FNIP1: variants seen among roughly 807,000 people sequenced by gnomAD.
FNIP1 encodes the protein folliculin interacting protein 1.
FNIP1 carries 40 observed loss-of-function variants against 124.5 expected under a neutral mutation model. The observed-to-expected ratio is 0.32, with a 90% confidence interval of 0.25 to 0.42. The LOEUF (loss-of-function observed/expected upper bound fraction) is 0.42, where lower values mean the gene tolerates loss of function less well. FNIP1 is among the 10% of genes least tolerant of loss of function. FNIP1 has a pLI of 1.00. For synonymous variants in FNIP1, 472 were observed against 470.6 expected (o/e 1.00, Z -0.04); for missense variants, 1,176 against 1,403.7 (o/e 0.84, Z 2.59).
chr5:131,755,038 G>C (rs936062571), intron 1 of FNIP1, among the ~76,000 whole-genome samples: 2 of 152,184 alleles, frequency 1.3e-5, no homozygotes, highest in African/African-American at 2.4e-5. Flanking sequence ...TCTCAGGAGG[G>C]GGAGTAAGTT....
chr5:131,754,963 A>G (rs773460765), intron 1 of FNIP1, among the ~76,000 whole-genome samples: 3 of 152,242 alleles, frequency 2.0e-5, no homozygotes, highest in Non-Finnish European at 2.9e-5. Flanking sequence ...ATAAAGGATG[A>G]GAATGGCTGA....
At chr5:131,652,028 G>A (rs1217150128) in intron 15 of FNIP1, 29 bp from the exon 16 acceptor site, 5 of 1,583,670 alleles carry the variant, frequency 3.2e-6, no homozygotes, top group Non-Finnish European at 4.3e-6. Flanking sequence ...TTCATCTTAT[G>A]TTTAGCAAAT....
intron 13 of FNIP1, among the ~76,000 whole-genome samples, chr5:131,676,091 G>A (rs927929146): frequency 2.0e-5 from 3 of 150,312 alleles, no homozygotes; most frequent in African/African-American, 4.9e-5. Context: ...GCATGATCTC[G>A]GCTCACTGCA....
rs1769210189 is a variant in FNIP1, at chr5:131,709,186, A to T, written c.778+15T>A. 1.9e-6 allele frequency: 3 copies of T among 1,609,354 alleles called. No homozygotes were observed. In the East Asian group the frequency reaches 6.7e-5, roughly 36 times the overall value. The stretch of plus-strand genomic sequence containing the variant: ...GTAATCTCATAAAAAACTGAATACA[A>T]GAACGTGACATTACCAGACCGTGCT... On this transcript the variant is annotated intron_variant, in intron 8 of 17. Transcript: ENST00000510461.
chr5:131,655,820 A>T (rs1023032290), intron 15 of FNIP1, among the ~76,000 whole-genome samples: 3 of 152,048 alleles, frequency 2.0e-5, no homozygotes, highest in African/African-American at 7.2e-5. Flanking sequence ...CCAGAGGCTG[A>T]CGCAGGAGAA....
intron 3 of FNIP1, among the ~76,000 whole-genome samples, chr5:131,727,423 C>T (rs1367589836): frequency 6.6e-6 from 1 of 152,028 alleles, no homozygotes; most frequent in Non-Finnish European, 1.5e-5. Context: ...TTATGTAATG[C>T]CCTTCTTTGT....
chr5:131,784,057 C>A (rs529449612), intron 1 of FNIP1, among the ~76,000 whole-genome samples: 1 of 151,216 alleles, frequency 6.6e-6, no homozygotes, highest in Non-Finnish European at 1.5e-5. Flanking sequence ...ATTCCCAAGA[C>A]AAGACAAAGG....
At chr5:131,674,596 T>C (rs1767858702) in intron 13 of FNIP1, among the ~76,000 whole-genome samples, 1 of 152,010 alleles carries the variant, frequency 6.6e-6, no homozygotes, top group African/African-American at 2.4e-5. Flanking sequence ...CGCGCACCTG[T>C]AATCCCAGCT....
chr5:131,718,833 C>A (rs1175281838), intron 5 of FNIP1, among the ~76,000 whole-genome samples, 153 bp downstream of exon 5: 1 of 152,196 alleles, frequency 6.6e-6, no homozygotes, highest in East Asian at 1.9e-4. Context: ...CAACTAAACT[C>A]AATTAAGAGT....
At chr5:131,692,634 T>C (rs1324912682) in intron 11 of FNIP1, among the ~76,000 whole-genome samples, 1 of 152,166 alleles carries the variant, frequency 6.6e-6, no homozygotes, top group Non-Finnish European at 1.5e-5. Context: ...GGAGGACTGA[T>C]ACTACTGAAC....
At chr5:131,675,485 C>T (rs1369023312) in intron 13 of FNIP1, among the ~76,000 whole-genome samples, 3 of 152,094 alleles carry the variant, frequency 2.0e-5, no homozygotes, top group Non-Finnish European at 2.9e-5. Context: ...TTAAAAAATA[C>T]TACTAATAAT....
intron 1 of FNIP1, among the ~76,000 whole-genome samples, chr5:131,776,706 AC>A (rs1311518086): frequency 2.6e-5 from 4 of 152,196 alleles, no homozygotes; most frequent in African/African-American, 9.7e-5. Flanking sequence ...ACAGAGTTAA[AC>A]AGACAAAACT....
intron 15 of FNIP1, 59 bp downstream of exon 15, chr5:131,670,404 G>T: frequency 7.0e-7 from 1 of 1,428,746 alleles, no homozygotes; most frequent in African/African-American, 1.4e-5. Context: ...GCAATTTTGG[G>T]TTCTGCTGCT....
chr5:131,689,152 C>CAAA (rs36082666), intron 11 of FNIP1, among the ~76,000 whole-genome samples: 1 of 140,056 alleles, frequency 7.1e-6, no homozygotes, highest in Non-Finnish European at 1.5e-5. Flanking sequence ...AGAAACTATG[C>CAAA]AAAAAAAAAA....
chr5:131,679,058 G>T lies in FNIP1; in HGVS notation c.1320C>A (p.Thr440=), dbSNP rs776450372. ...HLCYRFMKEF[T]FLMENASKNQ... Reference sequence around the variant, plus strand: ...TTTTGGAAGCATTTTCCATTAGAAAGGTGAACTCCTTCATGAAACGATAGC... The same window carrying T: ...TTTTGGAAGCATTTTCCATTAGAAATGTGAACTCCTTCATGAAACGATAGC... Residue 440 remains threonine (T), a synonymous_variant, in exon 12 of 18, where the codon ACC becomes ACA. Transcript: ENST00000510461. 6 of 1,610,816 alleles carry T rather than the reference G, an allele frequency of 3.7e-6. No individual in the cohort carries two copies. In the South Asian group the frequency reaches 6.7e-5, roughly 18 times the overall value.
At chr5:131,722,651 G>C (rs1439877902) in intron 3 of FNIP1, among the ~76,000 whole-genome samples, 2 of 152,088 alleles carry the variant, frequency 1.3e-5, no homozygotes, top group Admixed American at 6.6e-5. Context: ...CCTTCAAGTA[G>C]CAACACATTT....
chr5:131,780,566 CTG>C (rs1347083053), intron 1 of FNIP1, among the ~76,000 whole-genome samples: 1 of 151,932 alleles, frequency 6.6e-6, no homozygotes, highest in Non-Finnish European at 1.5e-5. Flanking sequence ...CTTTTTGTCT[CTG>C]TGTCACATTT....
At chr5:131,646,568 T>C (rs1766887804) in intron 17 of FNIP1, among the ~76,000 whole-genome samples, 2 of 152,166 alleles carry the variant, frequency 1.3e-5, no homozygotes, top group Admixed American at 1.3e-4. Flanking sequence ...CAGAACATAA[T>C]GAAATAGGGC....
rs115853269 is a variant in FNIP1, at chr5:131,768,033, G to A, written c.93-23343C>T. On this transcript the variant is annotated intron_variant, in intron 1 of 17. Transcript: ENST00000510461. ...ATTTCAATGACAGGGATAGTCAGCTGCTTGGCCATAGTATTACTATCATCA... is the reference window on the plus strand; with the variant it reads ...ATTTCAATGACAGGGATAGTCAGCTACTTGGCCATAGTATTACTATCATCA... 4.7e-3 allele frequency among the ~76,000 whole-genome samples: 712 copies of A among 152,148 alleles called. 8 individuals carry two copies. Among genetic ancestry groups the A allele is most frequent in the African/African-American group, 0.016 (676 of 41,506 alleles).
Sources: gnomAD v4.1 joint callset for allele counts (sites outside exome capture counted in the v4.1 genomes callset) on GRCh38, gnomAD v4.1.1 for gene constraint, MANE v1.5 for transcripts, NCBI Gene and HGNC (gene_info 2026-07-23, HGNC 2026-07-21) for gene names.